The following SERPINA5 variants were observed in gnomAD, a reference collection of about 807,000 sequenced individuals.
The protein encoded by SERPINA5 is plasma serine protease inhibitor.
In SERPINA5, 25 loss-of-function variants were observed where a neutral mutation model predicts 25.3. That is an observed-to-expected ratio of 0.99 (90% confidence interval 0.72 to 1.38). The LOEUF (loss-of-function observed/expected upper bound fraction) is 1.38. Among genes scored for constraint, SERPINA5 ranks in the 40% most tolerant of loss-of-function variants. The pLI is 0.00. For missense variants in SERPINA5, 599 were observed against 509.5 expected (o/e 1.18, Z -1.69); for synonymous variants, 234 against 206.2 (o/e 1.14, Z -1.16).
Position 94,590,278 on chromosome 14 carries a change from C to T in SERPINA5, c.857C>T (p.Thr286Met), listed in dbSNP as rs747623104. The part of the protein sequence containing the change: ...QQVENGLSEK[T>M]LRKWLKMFKK... Reference sequence around the variant, plus strand: ...GTGGAGAATGGACTGAGTGAGAAAACGCTGAGGAAGTGGCTTAAGATGTTC... The same window carrying T: ...GTGGAGAATGGACTGAGTGAGAAAATGCTGAGGAAGTGGCTTAAGATGTTC... Residue 286 changes from threonine to methionine, a missense_variant, in exon 4 of 6, where the codon ACG (threonine) becomes ATG (methionine). Physicochemically the swap from Thr to Met is moderately conservative, Grantham distance 81. Coordinates refer to ENST00000329597, the MANE Select transcript of SERPINA5 (RefSeq NM_000624.6). 8 of 1,610,006 alleles carry T rather than the reference C, an allele frequency of 5.0e-6. No homozygotes were observed. In the South Asian group the frequency reaches 5.5e-5, roughly 11 times the overall value.
rs557632476 is a variant in SERPINA5, at chr14:94,588,573, TAG to T, written c.619+597_619+598del. Among the ~76,000 whole-genome samples, 142 of 151,890 alleles carry T rather than the reference TAG, an allele frequency of 9.3e-4. 1 individual carries two copies. The highest frequency in any genetic ancestry group is 1.5e-3 in the Non-Finnish European group (103 of 67,950). The stretch of plus-strand genomic sequence containing the variant: ...TGACCCTGGGGAAAGCAAGAGTGGA[TAG>T]AGAGGAGAAGAGAGGAGAGGAGAGG... On this transcript the variant is annotated intron_variant, in intron 3 of 5. Coordinates refer to ENST00000329597, the MANE Select transcript of SERPINA5 (RefSeq NM_000624.6).
intron 2 of SERPINA5, among the ~76,000 whole-genome samples, chr14:94,585,887 C>T (rs889620677): frequency 6.6e-6 from 1 of 152,148 alleles, no homozygotes; most frequent in Non-Finnish European, 1.5e-5. Context: ...CTACTGCTCA[C>T]ACTTCCATAG....
Position 94,590,633 on chromosome 14 carries a change from G to A in SERPINA5, c.891-116G>A, listed in dbSNP as rs570740769. ...AACCACCATTGTTCCTTGGGTTAAGGAGTCCTTTTTTAAAACCATCAAAAC... is the reference window on the plus strand; with the variant it reads ...AACCACCATTGTTCCTTGGGTTAAGAAGTCCTTTTTTAAAACCATCAAAAC... On this transcript the variant is annotated intron_variant, in intron 4 of 5. Coordinates refer to ENST00000329597, the MANE Select transcript of SERPINA5 (RefSeq NM_000624.6). 143 of 1,196,386 alleles carry A rather than the reference G, an allele frequency of 1.2e-4. No individual in the cohort carries two copies. The East Asian group carries it at 3.3e-3, about 28-fold the overall frequency. 74.1% of individuals were successfully genotyped at this position (1,196,386 alleles called of 1,614,324 possible).
At chr14:94,590,699 G>A (rs376391427) in intron 4 of SERPINA5, 50 bp from the exon 5 acceptor site, 402 of 1,577,094 alleles carry the variant, frequency 2.5e-4, no homozygotes, top group Non-Finnish European at 3.3e-4. Flanking sequence ...GTGAGGCTCA[G>A]TGTGCCAATG....
At chr14:94,591,274 C>T (rs1035994396) in intron 5 of SERPINA5, among the ~76,000 whole-genome samples, 1 of 146,430 alleles carries the variant, frequency 6.8e-6, no homozygotes, top group Non-Finnish European at 1.5e-5. Context: ...CACTCCACTC[C>T]TCCACTCCAC....
chr14:94,589,965 C>T (rs1595080952), intron 3 of SERPINA5, 76 bp from the exon 4 acceptor site: 3 of 1,417,656 alleles, frequency 2.1e-6, no homozygotes, highest in Non-Finnish European at 1.9e-6. Context: ...ACTGTCTTCA[C>T]TCCTTTTATT....
At position 94,587,896 on chromosome 14, in the gene SERPINA5, G is replaced by A. The variant is rs762856360; in HGVS notation, c.534G>A (p.Lys178=). 15 of 1,614,146 alleles carry A rather than the reference G, an allele frequency of 9.3e-6. No individual in the cohort carries two copies. The East Asian group carries it at 1.6e-4, about 17-fold the overall frequency. ...AGCAGATCAATGATTATGTGGCAAA[G>A]CAAACGAAGGGCAAGATTGTGGACT... ...AMKQINDYVA[K]QTKGKIVDLL... is the part of the protein sequence containing the mutation. The change falls in exon 3 of 6, where the codon AAG becomes AAA. Residue 178 remains lysine (K), a synonymous_variant. Transcript: ENST00000329597.
At chr14:94,584,672 A>T (rs1326519019) in intron 2 of SERPINA5, among the ~76,000 whole-genome samples, 1 of 152,086 alleles carries the variant, frequency 6.6e-6, no homozygotes, top group Admixed American at 6.5e-5. Flanking sequence ...GGGAGAATGG[A>T]GGCCAGGGCC....
At chr14:94,587,221 C>T (rs1195596880) in intron 2 of SERPINA5, 125 bp from the exon 3 acceptor site, 2 of 877,470 alleles carry the variant, frequency 2.3e-6, no homozygotes, top group Admixed American at 4.8e-5. Context: ...TTGCGGGTGC[C>T]ATCCCTTCTC....
At chr14:94,586,001 A>G (rs551873338) in intron 2 of SERPINA5, among the ~76,000 whole-genome samples, 2 of 152,300 alleles carry the variant, frequency 1.3e-5, no homozygotes, top group East Asian at 3.9e-4. Flanking sequence ...AAATCACACT[A>G]CAAGGACACA....
chr14:94,589,403 G>T (rs1038513856), intron 3 of SERPINA5, among the ~76,000 whole-genome samples: 1 of 151,712 alleles, frequency 6.6e-6, no homozygotes, highest in African/African-American at 2.4e-5. Context: ...AGCCAAAATT[G>T]CGCCACTGCA....
chr14:94,583,104 G>T (rs573829072), intron 2 of SERPINA5, among the ~76,000 whole-genome samples: 1 of 152,234 alleles, frequency 6.6e-6, no homozygotes, highest in Non-Finnish European at 1.5e-5. Flanking sequence ...GCCAGGTGCA[G>T]CCAGGTCACA....
rs760384057 is a variant in SERPINA5 at position 94,587,992 on chromosome 14, T to C, written c.619+11T>C. 3.7e-6 allele frequency: 6 copies of C among 1,608,318 alleles called. No homozygotes were observed. The highest frequency in any genetic ancestry group is 3.3e-5 in the South Asian group (3 of 90,228). On this transcript the variant is annotated intron_variant, in intron 3 of 5. Transcript: ENST00000329597. ...ACATCTTCTTTAAAGGTAAGGCCCT[T>C]GGGCCCAAACCTGCACTTTCTTTGG...
intron 5 of SERPINA5, 42 bp from the exon 6 acceptor site, chr14:94,592,005 ATGACTTCACC>A: frequency 1.3e-6 from 2 of 1,567,412 alleles, no homozygotes; most frequent in Non-Finnish European, 1.7e-6. Context: ...ATTTGCTATG[ATGACTTCACC>A]TGCCCCTAGT....
chr14:94,592,130 C>T lies in SERPINA5; in HGVS notation c.1112C>T (p.Thr371Ile). 6.2e-7 allele frequency: 1 copy of T among 1,614,188 alleles called. No homozygotes were observed. The highest frequency in any genetic ancestry group is 1.7e-5 in the Admixed American group (1 of 60,030). Residue 371 changes from threonine to isoleucine, a missense_variant, in exon 6 of 6, where the codon ACT becomes ATT. By Grantham distance (89) the Thr-to-Ile change is moderately conservative. Coordinates refer to ENST00000329597, the MANE Select transcript of SERPINA5 (RefSeq NM_000624.6). ...GCGGCAGCCACGGGGACAATATTCA[C>T]TTTCAGGTCGGCCCGCCTGAACTCT... The part of the protein sequence containing the change: ...RAAAATGTIF[T>I]FRSARLNSQR...
At position 94,592,115 on chromosome 14, in the gene SERPINA5, C is replaced by A; in HGVS notation, c.1097C>A (p.Thr366Lys). The change falls in exon 6 of 6, where the codon ACG becomes AAG. Residue 366 changes from threonine to lysine, a missense_variant. Transcript: ENST00000329597. ...TCGGGAACCAGAGCAGCGGCAGCCA[C>A]GGGGACAATATTCACTTTCAGGTCG... ...DESGTRAAAA[T>K]GTIFTFRSAR... 6.2e-7 allele frequency: 1 copy of A among 1,614,128 alleles called. No individual in the cohort carries two copies. The highest frequency in any genetic ancestry group is 8.5e-7 in the Non-Finnish European group (1 of 1,180,010).
At position 94,592,586 on chromosome 14, in the gene SERPINA5, C is replaced by G. The variant is rs758782686; in HGVS notation, c.*347C>G. 4.8e-6 allele frequency: 1 copy of G among 209,814 alleles called. No homozygotes were observed. The highest frequency in any genetic ancestry group is 9.5e-6 in the Non-Finnish European group (1 of 104,968). 13.0% of individuals were successfully genotyped at this position (209,814 alleles called of 1,614,324 possible). A position where few individuals can be genotyped will look rare whatever the true frequency, so the allele number is the denominator to read the frequency against. On this transcript the variant is annotated 3_prime_UTR_variant, in exon 6 of 6. Transcript: ENST00000329597. ...ATGCCCAGCTCAGTGCCACAAAGCT[C>G]AATAGGAGGGATGTTCCAGTGGATG...
chr14:94,585,382 G>C (rs1885041901), intron 2 of SERPINA5, among the ~76,000 whole-genome samples: 1 of 152,000 alleles, frequency 6.6e-6, no homozygotes, highest in South Asian at 2.1e-4. Flanking sequence ...AGGAGCTCAG[G>C]ACACAATTTG....
At position 94,592,327 on chromosome 14, in the gene SERPINA5, A is replaced by T; in HGVS notation, c.*88A>T. ...CCCATCTGTATGCTGGTAGCTAGTG[A>T]TTTACACAGGTTTAGTTGACTAATG... On this transcript the variant is annotated 3_prime_UTR_variant, in exon 6 of 6. Coordinates refer to ENST00000329597, the MANE Select transcript of SERPINA5 (RefSeq NM_000624.6). 2 of 1,300,152 alleles carry T rather than the reference A, an allele frequency of 1.5e-6. No individual in the cohort carries two copies. The highest frequency in any genetic ancestry group is 2.1e-6 in the Non-Finnish European group (2 of 937,454). 80.5% of individuals were successfully genotyped at this position (1,300,152 alleles called of 1,614,324 possible).
Sources: gnomAD v4.1 joint callset for allele counts (sites outside exome capture counted in the v4.1 genomes callset) on GRCh38, gnomAD v4.1.1 for gene constraint, MANE v1.5 for transcripts, NCBI Gene and HGNC (gene_info 2026-07-23, HGNC 2026-07-21) for gene names.